Variants in SMARCA2 observed in about 807,000 individuals in gnomAD.
SMARCA2 encodes the protein SWI/SNF related BAF chromatin remodeling complex subunit ATPase 2.
Under a neutral mutation model 199.8 loss-of-function variants are expected in SMARCA2, and 61 were observed. That is an observed-to-expected ratio of 0.31 (90% CI 0.25 to 0.38). SMARCA2 has a LOEUF of 0.38. Among genes scored for constraint, SMARCA2 ranks in the 10% least tolerant of loss-of-function variants. SMARCA2 has a pLI of 1.00. For missense variants in SMARCA2, 1,344 were observed against 2,012.2 expected, an observed-to-expected ratio of 0.67 and a Z score of 6.35; for synonymous variants, 935 against 732.0, an observed-to-expected ratio of 1.28 and a Z score of -4.48.
At chr9:2,168,199 C>T (rs1222506171) in intron 28 of SMARCA2, among the ~76,000 whole-genome samples, 1 of 151,862 alleles carries the variant, frequency 6.6e-6, no homozygotes, top group Non-Finnish European at 1.5e-5. Context: ...TTGGTAGAGA[C>T]AGGGTTTTGC....
In SMARCA2 at chr9:2,181,694, C is replaced by T; in HGVS notation, c.4359+18C>T. On this transcript the variant is annotated intron_variant, in intron 30 of 33. Transcript: ENST00000349721. ...AAATAAAGGTAGATATTTTGTTTAC[C>T]AACTTTATTCTTCAAGTAAATAAAG... is the stretch of plus-strand genomic sequence containing the variant. 3 of 1,185,688 alleles carry T rather than the reference C, an allele frequency of 2.5e-6. No homozygotes were observed. Among genetic ancestry groups the T allele is most frequent in the Non-Finnish European group, 3.8e-6 (3 of 790,880 alleles). 73.4% of individuals were successfully genotyped at this position (1,185,688 alleles called of 1,614,324 possible). A position where few individuals can be genotyped will look rare whatever the true frequency, so the allele number is the denominator to read the frequency against.
intron 8 of SMARCA2, among the ~76,000 whole-genome samples, chr9:2,059,445 A>G (rs1283906212): frequency 6.6e-6 from 1 of 152,086 alleles, no homozygotes; most frequent in Non-Finnish European, 1.5e-5. Flanking sequence ...GGGAGAGAGG[A>G]CTGTCCGAGA....
chr9:2,182,478 C>CTTTTTTTTTTTTTTTTTTT (rs145095906), intron 31 of SMARCA2, among the ~76,000 whole-genome samples: 1 of 96,732 alleles, frequency 1.0e-5, no homozygotes, highest in African/African-American at 3.7e-5. Flanking sequence ...AGCTTATAGT[C>CTTTTTTTTTTTTTTTTTTT]TTTTTTTTTT....
chr9:2,073,759 G>T lies in SMARCA2; in HGVS notation c.1935+136G>T, dbSNP rs1271970230. 1.5e-5 allele frequency: 10 copies of T among 661,694 alleles called. No homozygotes were observed. The South Asian group carries it at 1.9e-4, about 12-fold the overall frequency. 41.0% of individuals were successfully genotyped at this position (661,694 alleles called of 1,614,324 possible). A position where few individuals can be genotyped will look rare whatever the true frequency, so the allele number is the denominator to read the frequency against. On this transcript the variant is annotated intron_variant, in intron 12 of 33. Coordinates refer to ENST00000349721, the MANE Select transcript of SMARCA2 (RefSeq NM_003070.5). ...GATTGGCCTTTGGGTGACAGCTGGGGCTAAGGATTTACAAATGCTTTGATG... is the reference window on the plus strand; with the variant it reads ...GATTGGCCTTTGGGTGACAGCTGGGTCTAAGGATTTACAAATGCTTTGATG...
intron 28 of SMARCA2, among the ~76,000 whole-genome samples, chr9:2,164,673 C>A (rs752651895): frequency 6.6e-6 from 1 of 152,134 alleles, no homozygotes; most frequent in African/African-American, 2.4e-5. Context: ...CAGAAAATGC[C>A]GTTTCAGTGG....
Position 2,033,191 on chromosome 9 carries a change from C to T in SMARCA2, c.355+110C>T, listed in dbSNP as rs533228509. The stretch of plus-strand genomic sequence containing the variant: ...AAGAATGTGTCTAAGGAAGGTTGAA[C>T]CTAGTAGGTTTCTTTTCCTTATGGA... On this transcript the variant is annotated intron_variant, in intron 3 of 33. Transcript: ENST00000349721. 241 of 1,231,324 alleles carry T rather than the reference C, an allele frequency of 2.0e-4. No homozygotes were observed. In the African/African-American group the frequency reaches 3.1e-3, roughly 16 times the overall value. 76.3% of individuals were successfully genotyped at this position (1,231,324 alleles called of 1,614,324 possible). A position where few individuals can be genotyped will look rare whatever the true frequency, so the allele number is the denominator to read the frequency against.
chr9:2,026,262 C>A (rs1377631432), intron 1 of SMARCA2, among the ~76,000 whole-genome samples: 1 of 152,190 alleles, frequency 6.6e-6, no homozygotes, highest in Admixed American at 6.5e-5. Flanking sequence ...TACTGTTAGT[C>A]TGAGCCACAC....
intron 27 of SMARCA2, among the ~76,000 whole-genome samples, chr9:2,136,117 G>A (rs755803335): frequency 1.3e-5 from 2 of 151,938 alleles, no homozygotes; most frequent in African/African-American, 4.8e-5. Flanking sequence ...TGAGATTACA[G>A]GCATGAGCCA....
intron 31 of SMARCA2, among the ~76,000 whole-genome samples, chr9:2,183,860 A>C (rs569985774): frequency 2.1e-4 from 32 of 152,290 alleles, no homozygotes; most frequent in African/African-American, 7.2e-4. Context: ...CTCTGGATAG[A>C]TATTTGGATT....
intron 17 of SMARCA2, among the ~76,000 whole-genome samples, chr9:2,084,406 GTGTGTGTGTGTT>G (rs1821708045): frequency 7.2e-6 from 1 of 138,394 alleles, no homozygotes. Flanking sequence ...GTGTGTGTGT[GTGTGTGTGTGTT>G]TATGATTGAT....
chr9:2,188,499 C>T (rs898813074), intron 32 of SMARCA2, among the ~76,000 whole-genome samples: 7 of 152,106 alleles, frequency 4.6e-5, no homozygotes, highest in African/African-American at 1.7e-4. Context: ...TTCCTTTGTT[C>T]TAGCATTTGA....
At chr9:2,131,760 C>T (rs60054856) in intron 27 of SMARCA2, among the ~76,000 whole-genome samples, 2 of 152,002 alleles carry the variant, frequency 1.3e-5, no homozygotes, top group African/African-American at 4.8e-5. Context: ...GCCAGCATGG[C>T]GAAACCCCGT....
chr9:2,112,892 G>A (rs1414059993), intron 24 of SMARCA2, among the ~76,000 whole-genome samples: 2 of 152,110 alleles, frequency 1.3e-5, no homozygotes, highest in African/African-American at 2.4e-5. Flanking sequence ...TCAAGTAATC[G>A]TCAAAATATC....
chr9:2,114,188 C>G (rs1823123731), intron 24 of SMARCA2, among the ~76,000 whole-genome samples: 1 of 152,158 alleles, frequency 6.6e-6, no homozygotes, highest in Non-Finnish European at 1.5e-5. Flanking sequence ...TTTTAAAGTT[C>G]TTTGTCCCCT....
intron 5 of SMARCA2, among the ~76,000 whole-genome samples, chr9:2,054,063 G>A (rs1293224242): frequency 1.3e-5 from 2 of 152,194 alleles, no homozygotes; most frequent in Non-Finnish European, 2.9e-5. Context: ...CTTTCTGAAT[G>A]TTTAGGGTTG....
chr9:2,048,981 G>A (rs1820001866), intron 5 of SMARCA2, among the ~76,000 whole-genome samples: 1 of 152,108 alleles, frequency 6.6e-6, no homozygotes, highest in Non-Finnish European at 1.5e-5. Flanking sequence ...AATACAATGT[G>A]GATGCTCTAA....
chr9:2,046,068 G>A (rs1226060134), intron 4 of SMARCA2: 1 of 152,062 alleles, frequency 6.6e-6, no homozygotes, highest in Non-Finnish European at 1.5e-5. Context: ...GAAGTATGTA[G>A]ACTATTATTT....
chr9:2,170,712 G>A lies in SMARCA2; in HGVS notation c.4253+240G>A, dbSNP rs924959020. Among the ~76,000 whole-genome samples, 2 of 152,142 alleles carry A rather than the reference G, an allele frequency of 1.3e-5. No homozygotes were observed. The highest frequency in any genetic ancestry group is 1.5e-5 in the Non-Finnish European group (1 of 68,020). Reference sequence around the variant, plus strand: ...TTCTATACATGCACTCCTTACAAGGGTATTGGGAGCTCCTGGAAAGCCCGC... The same window carrying A: ...TTCTATACATGCACTCCTTACAAGGATATTGGGAGCTCCTGGAAAGCCCGC... On this transcript the variant is annotated intron_variant, in intron 29 of 33. Transcript: ENST00000349721. The surrounding 1 kb of genome is among the most constrained non-coding windows in gnomAD (Gnocchi z 4.7).
intron 31 of SMARCA2, among the ~76,000 whole-genome samples, chr9:2,184,849 C>CCTCTCTCTCT (rs57873443): frequency 1.3e-5 from 2 of 151,048 alleles, no homozygotes; most frequent in Non-Finnish European, 2.9e-5. Context: ...ATGGTCCCAT[C>CCTCTCTCTCT]CTCTCTCTCT....
Sources: gnomAD v4.1 joint callset for allele counts (sites outside exome capture counted in the v4.1 genomes callset) on GRCh38, gnomAD v4.1.1 for gene constraint, Gnocchi (gnomAD v3.1) non-coding constraint, MANE v1.5 for transcripts, NCBI Gene and HGNC (gene_info 2026-07-23, HGNC 2026-07-21) for gene names.